Variants in SLIT2 observed in about 807,000 individuals in gnomAD.
SLIT2 encodes the protein slit guidance ligand 2.
A neutral mutation model predicts 185.7 loss-of-function variants in SLIT2; 41 were observed. That is an observed-to-expected ratio of 0.22 (90% CI 0.17 to 0.29). SLIT2 has a LOEUF of 0.29. Ranked by LOEUF, SLIT2 falls within the 10% of genes least tolerant of loss-of-function variation. The pLI, the probability that SLIT2 is intolerant of heterozygous loss-of-function variation, is 1.00. For synonymous variants in SLIT2, 693 were observed against 680.2 expected (o/e 1.02, Z -0.29); for missense variants, 1,571 against 1,909.0 (o/e 0.82, Z 3.30).
chr4:20,316,915 C>G (rs1428091460), intron 4 of SLIT2, among the ~76,000 whole-genome samples: 2 of 149,012 alleles, frequency 1.3e-5, no homozygotes, highest in Non-Finnish European at 3.0e-5. Flanking sequence ...AATAATCAAG[C>G]TGGCTGAATT....
At chr4:20,440,275 C>G (rs1386620369) in intron 4 of SLIT2, among the ~76,000 whole-genome samples, 1 of 152,050 alleles carries the variant, frequency 6.6e-6, no homozygotes, top group Non-Finnish European at 1.5e-5. Flanking sequence ...TGGGTTATAC[C>G]AATTCATCAT....
intron 5 of SLIT2, among the ~76,000 whole-genome samples, chr4:20,478,474 A>G (rs1300687986): frequency 6.6e-6 from 1 of 152,238 alleles, no homozygotes; most frequent in Non-Finnish European, 1.5e-5. Flanking sequence ...TAAGGAAAGT[A>G]GTTGGCCTTC....
At chr4:20,505,079 T>C (rs866196652) in intron 9 of SLIT2, among the ~76,000 whole-genome samples, 1 of 152,266 alleles carries the variant, frequency 6.6e-6, no homozygotes, top group African/African-American at 2.4e-5. Flanking sequence ...TATATTGTGC[T>C]ATATATTCTA....
chr4:20,560,580 C>T (rs1369695841), intron 26 of SLIT2, among the ~76,000 whole-genome samples: 2 of 152,000 alleles, frequency 1.3e-5, no homozygotes, highest in Middle Eastern at 3.4e-3. Context: ...CAGTTTTTGT[C>T]CTCTCCAGAT....
intron 4 of SLIT2, among the ~76,000 whole-genome samples, chr4:20,442,545 G>A (rs866646506): frequency 4.1e-5 from 4 of 98,040 alleles, no homozygotes; most frequent in Non-Finnish European, 8.3e-5. Flanking sequence ...AAAAAAAAAG[G>A]GGGGGGAGGG....
At chr4:20,444,036 A>G (rs558605569) in intron 4 of SLIT2, among the ~76,000 whole-genome samples, 3 of 152,296 alleles carry the variant, frequency 2.0e-5, no homozygotes, top group Admixed American at 6.5e-5. Context: ...TATGCACTCA[A>G]AGGATGTTAT....
chr4:20,419,867 G>A (rs919744021), intron 4 of SLIT2, among the ~76,000 whole-genome samples: 1 of 152,032 alleles, frequency 6.6e-6, no homozygotes, highest in African/African-American at 2.4e-5. Context: ...CATAGGATGA[G>A]TCCTAGCTTT....
At chr4:20,407,850 A>G (rs1319616874) in intron 4 of SLIT2, among the ~76,000 whole-genome samples, 1 of 152,144 alleles carries the variant, frequency 6.6e-6, no homozygotes, top group Non-Finnish European at 1.5e-5. Context: ...TGCATAGTGG[A>G]GGAAAGCCAA....
chr4:20,570,916 A>T (rs898427906), intron 29 of SLIT2, among the ~76,000 whole-genome samples: 1 of 151,512 alleles, frequency 6.6e-6, no homozygotes, highest in African/African-American at 2.4e-5. Flanking sequence ...CCTTATTCTT[A>T]TCCATTTCTT....
At chr4:20,548,239 G>A (rs556654768) in intron 22 of SLIT2, among the ~76,000 whole-genome samples, 2 of 152,014 alleles carry the variant, frequency 1.3e-5, no homozygotes, top group African/African-American at 2.4e-5. Context: ...CCCCTTGCAC[G>A]TACACTACAT....
chr4:20,276,755 T>TC (rs1371678172), intron 4 of SLIT2, among the ~76,000 whole-genome samples: 5 of 152,124 alleles, frequency 3.3e-5, no homozygotes, highest in Admixed American at 1.3e-4. Context: ...GTTGATTGCT[T>TC]CCCCTCCGAC....
chr4:20,559,696 T>C (rs1724541432), intron 26 of SLIT2, among the ~76,000 whole-genome samples: 1 of 151,982 alleles, frequency 6.6e-6, no homozygotes, highest in African/African-American at 2.4e-5. Context: ...ATTTGAGATA[T>C]GAAAATATTG....
intron 16 of SLIT2, among the ~76,000 whole-genome samples, chr4:20,530,914 T>G (rs1183237802): frequency 2.0e-5 from 3 of 151,358 alleles, no homozygotes; most frequent in Non-Finnish European, 4.4e-5. Context: ...ATTAGGGACA[T>G]TCCAATCAAA....
chr4:20,473,572 A>AT (rs982151953), intron 5 of SLIT2, among the ~76,000 whole-genome samples: 52 of 152,132 alleles, frequency 3.4e-4, no homozygotes, highest in African/African-American at 1.1e-3. Context: ...TTAGTTAGAA[A>AT]TTTTGTTTTT....
rs886976914 is a variant in SLIT2 at position 20,532,152 on chromosome 4, A to T, written c.1688+94A>T. 7.2e-6 allele frequency: 5 copies of T among 698,094 alleles called. No homozygotes were observed. In the African/African-American group the frequency reaches 7.4e-5, roughly 10 times the overall value. The allele number at this position is 698,094 out of a possible 1,614,324, so 43.2% of individuals were successfully genotyped here. ...CTTAGAAAATTAGAAAATACTAAAAATCCTGGGAAATTTCCCTATGATGAT... is the reference window on the plus strand; with the variant it reads ...CTTAGAAAATTAGAAAATACTAAAATTCCTGGGAAATTTCCCTATGATGAT... On this transcript the variant is annotated intron_variant, in intron 17 of 36. Coordinates refer to ENST00000504154, the MANE Select transcript of SLIT2 (RefSeq NM_004787.4).
chr4:20,386,187 T>C (rs1724925630), intron 4 of SLIT2, among the ~76,000 whole-genome samples: 2 of 152,178 alleles, frequency 1.3e-5, no homozygotes, highest in African/African-American at 2.4e-5. Context: ...CATGTAATTG[T>C]ATTAAGCTGA....
chr4:20,478,312 T>C (rs1716336623), intron 5 of SLIT2, among the ~76,000 whole-genome samples: 1 of 152,212 alleles, frequency 6.6e-6, no homozygotes. Flanking sequence ...AAGGAAAACC[T>C]CAGTCCTATG....
intron 4 of SLIT2, among the ~76,000 whole-genome samples, chr4:20,330,694 T>G (rs1719988838): frequency 1.3e-5 from 1 of 74,228 alleles, no homozygotes; most frequent in African/African-American, 6.1e-5. Context: ...ATTCTTTGAT[T>G]TGGGAATGGT....
intron 9 of SLIT2, among the ~76,000 whole-genome samples, chr4:20,510,151 C>A (rs538157127): frequency 1.3e-5 from 2 of 149,628 alleles, no homozygotes; most frequent in African/African-American, 2.5e-5. Context: ...TTCAGTATTT[C>A]TACCTATTTC....
Sources: gnomAD v4.1 joint callset for allele counts (sites outside exome capture counted in the v4.1 genomes callset) on GRCh38, gnomAD v4.1.1 for gene constraint, MANE v1.5 for transcripts, NCBI Gene and HGNC (gene_info 2026-07-23, HGNC 2026-07-21) for gene names.